The following PLXNA2 variants were observed in gnomAD, a reference collection of about 807,000 sequenced individuals.
PLXNA2 encodes the protein plexin A2.
PLXNA2 carries 91 observed loss-of-function variants against 193.5 expected under a neutral mutation model. That is an observed-to-expected ratio of 0.47 (90% CI 0.40 to 0.56). The LOEUF (loss-of-function observed/expected upper bound fraction) is 0.56, where lower values mean the gene tolerates loss of function less well. PLXNA2 is among the 20% of genes least tolerant of loss of function. The pLI is 0.00. For synonymous variants in PLXNA2, 997 were observed against 1,027.3 expected, an observed-to-expected ratio of 0.97 and a Z score of 0.56; for missense variants, 1,995 against 2,503.2, an observed-to-expected ratio of 0.80 and a Z score of 4.33.
At position 208,112,129 on chromosome 1, in the gene PLXNA2, G is replaced by C. The variant is rs536220585; in HGVS notation, c.1507-8882C>G. ...CAGAGAGAGGAGACCAAAGTTGGTTGAACTTTTCAATGACATTTTTTTTCC... is the reference window on the plus strand; with the variant it reads ...CAGAGAGAGGAGACCAAAGTTGGTTCAACTTTTCAATGACATTTTTTTTCC... On this transcript the variant is annotated intron_variant, in intron 4 of 31. Transcript: ENST00000367033. Among the ~76,000 whole-genome samples the C allele has an allele frequency of 5.3e-5, 8 of 152,300 alleles. No individual in the cohort carries two copies. The South Asian group carries it at 1.7e-3, about 32-fold the overall frequency.
Position 208,037,494 on chromosome 1 carries a change from G to A in PLXNA2, c.4764+877C>T, listed in dbSNP as rs1342730853. On this transcript the variant is annotated intron_variant, in intron 26 of 31. Transcript: ENST00000367033. ...TTCTTTCCGAGACAGGGACATGGGA[G>A]GATGTTATTAATCAGACGATCCCAC... 2.0e-5 allele frequency among the ~76,000 whole-genome samples: 3 copies of A among 152,214 alleles called. No homozygotes were observed. In the East Asian group the frequency reaches 5.8e-4, roughly 29 times the overall value.
At chr1:208,233,240 A>G (rs1336584994) in intron 1 of PLXNA2, among the ~76,000 whole-genome samples, 2 of 152,154 alleles carry the variant, frequency 1.3e-5, no homozygotes, top group Middle Eastern at 3.2e-3. Context: ...TCTCCCCTCT[A>G]TCATACTCGG....
chr1:208,069,612 TG>T (rs1374263709), intron 12 of PLXNA2, among the ~76,000 whole-genome samples: 1 of 151,946 alleles, frequency 6.6e-6, no homozygotes, highest in African/African-American at 2.4e-5. Context: ...AGTGCTCAGG[TG>T]GGCTGTTCCT....
intron 13 of PLXNA2, among the ~76,000 whole-genome samples, chr1:208,060,069 G>A (rs1665566225): frequency 2.0e-5 from 3 of 152,126 alleles, no homozygotes; most frequent in Admixed American, 2.0e-4. Flanking sequence ...TGGAGGGGTA[G>A]CCTCCCTTTT....
At chr1:208,051,647 C>T (rs1441497625) in intron 15 of PLXNA2, among the ~76,000 whole-genome samples, 1 of 152,080 alleles carries the variant, frequency 6.6e-6, no homozygotes, top group Admixed American at 6.5e-5. Flanking sequence ...AAATGAGGGG[C>T]AGGGATAGGG....
chr1:208,110,189 C>T (rs985732149), intron 4 of PLXNA2, among the ~76,000 whole-genome samples: 1 of 152,214 alleles, frequency 6.6e-6, no homozygotes, highest in Non-Finnish European at 1.5e-5. Context: ...TGGGGAAAGT[C>T]CAGGCCCCCT....
Position 208,244,304 on chromosome 1 carries a change from TGGCGGC to T in PLXNA2, c.-748_-743del, listed in dbSNP as rs750500251. On this transcript the variant is annotated 5_prime_UTR_variant, in exon 1 of 32. Coordinates refer to ENST00000367033, the MANE Select transcript of PLXNA2 (RefSeq NM_025179.4). ...CTCCCGGCAGCTCTGGCTCCCGCGG[TGGCGGC>T]GGCGGCGGCGGCGGCGGCGGCGGCG... The T allele has an allele frequency of 0.98, 190,323 of 194,302 alleles. 93,216 individuals carry two copies. Among genetic ancestry groups the T allele is most frequent in the Admixed American group, 0.99 (15,629 of 15,746 alleles). The allele number at this position is 194,302 out of a possible 1,614,324, so 12.0% of individuals were successfully genotyped here. A position where few individuals can be genotyped will look rare whatever the true frequency, so the allele number is the denominator to read the frequency against.
At chr1:208,240,406 T>C (rs1051776584) in intron 1 of PLXNA2, among the ~76,000 whole-genome samples, 3 of 152,202 alleles carry the variant, frequency 2.0e-5, no homozygotes, top group African/African-American at 7.2e-5. Flanking sequence ...AGGGCTCACC[T>C]TTAGAAATGA....
intron 3 of PLXNA2, among the ~76,000 whole-genome samples, chr1:208,147,705 G>A (rs912084940): frequency 6.6e-6 from 1 of 152,202 alleles, no homozygotes; most frequent in Non-Finnish European, 1.5e-5. Flanking sequence ...GGAGAGTGGC[G>A]TAACTGAGAT....
Position 208,034,382 on chromosome 1 carries a change from T to C in PLXNA2, c.4864+111A>G, listed in dbSNP as rs1664605702. ...AAACCAACTGGCAGGAGCCTGTGAT[T>C]GGGCCAGCAGCAGCAAGGGCTGCCT... On this transcript the variant is annotated intron_variant, in intron 27 of 31. Transcript: ENST00000367033. 2.0e-5 allele frequency: 14 copies of C among 698,942 alleles called. 1 individual carries two copies. The highest frequency in any genetic ancestry group is 1.9e-4 in the South Asian group (12 of 61,554). The allele number at this position is 698,942 out of a possible 1,614,324, so 43.3% of individuals were successfully genotyped here. A position where few individuals can be genotyped will look rare whatever the true frequency, so the allele number is the denominator to read the frequency against.
intron 4 of PLXNA2, among the ~76,000 whole-genome samples, chr1:208,133,180 G>A (rs561931521): frequency 1.3e-5 from 2 of 152,248 alleles, no homozygotes; most frequent in East Asian, 3.9e-4. Context: ...CCCCAATTAG[G>A]GAGGGAACCA....
chr1:208,113,741 T>C (rs1010022137), intron 4 of PLXNA2, among the ~76,000 whole-genome samples: 5 of 151,876 alleles, frequency 3.3e-5, no homozygotes, highest in Non-Finnish European at 7.4e-5. Context: ...TTTTTTATAG[T>C]GATGGGGTCT....
intron 12 of PLXNA2, among the ~76,000 whole-genome samples, chr1:208,065,753 A>G (rs1665775782): frequency 6.6e-6 from 1 of 152,198 alleles, no homozygotes; most frequent in African/African-American, 2.4e-5. Flanking sequence ...TGATGCCGCC[A>G]GAGCAGGGCC....
intron 1 of PLXNA2, among the ~76,000 whole-genome samples, chr1:208,239,095 C>T (rs1161433623): frequency 6.6e-6 from 1 of 151,828 alleles, no homozygotes; most frequent in Admixed American, 6.6e-5. Flanking sequence ...GTTGTAGTCT[C>T]TGGGAAGTGA....
chr1:208,149,930 C>T (rs565908), intron 3 of PLXNA2, among the ~76,000 whole-genome samples: 136,084 of 152,156 alleles, frequency 0.89, 61,145 homozygotes, highest in East Asian at 1. Flanking sequence ...TGGCCCCGCC[C>T]TCTGAGCTGT....
At chr1:208,079,228 C>A in intron 12 of PLXNA2, 32 bp downstream of exon 12, 2 of 1,573,196 alleles carry the variant, frequency 1.3e-6, no homozygotes, top group Non-Finnish European at 1.7e-6. Context: ...TCTTGGCCAC[C>A]CCTTCCTGCT....
rs191361153 is a variant in PLXNA2 at position 208,182,986 on chromosome 1, C to T, written c.1371+27294G>A. On this transcript the variant is annotated intron_variant, in intron 3 of 31. Coordinates refer to ENST00000367033, the MANE Select transcript of PLXNA2 (RefSeq NM_025179.4). ...CTCCTAGTCAAGAAAGAAAGCTTTT[C>T]CTCTCTCTTCCTCCTGTTTACCCAC... Among the ~76,000 whole-genome samples the T allele has an allele frequency of 1.4e-4, 22 of 152,304 alleles. 1 individual carries two copies. Among genetic ancestry groups the T allele is most frequent in the Admixed American group, 1.3e-3 (20 of 15,306 alleles).
At chr1:208,201,831 G>T (rs1670561048) in intron 3 of PLXNA2, among the ~76,000 whole-genome samples, 2 of 151,930 alleles carry the variant, frequency 1.3e-5, no homozygotes, top group African/African-American at 4.8e-5. Context: ...CCCAAGCTCT[G>T]CACTCCATCC....
At chr1:208,221,057 G>A (rs61338501) in intron 1 of PLXNA2, among the ~76,000 whole-genome samples, 6,916 of 152,218 alleles carry the variant, frequency 0.045, 220 homozygotes, top group Middle Eastern at 0.11. Context: ...AATGAGAAAC[G>A]TCCTGATGTC....
Sources: allele counts gnomAD v4.1 joint callset (sites outside exome capture counted in the v4.1 genomes callset), GRCh38; gene constraint gnomAD v4.1.1; transcripts MANE v1.5; gene names NCBI Gene and HGNC (gene_info 2026-07-23, HGNC 2026-07-21).